Variants in ARAP1 observed in about 807,000 individuals in gnomAD.
ARAP1 encodes the protein arf-GAP with Rho-GAP domain, ANK repeat and PH domain-containing protein 1.
A neutral mutation model predicts 172.2 loss-of-function variants in ARAP1; 76 were observed. The ratio of observed to expected loss-of-function variants is 0.44; its 90% CI spans 0.37 to 0.53. The LOEUF (loss-of-function observed/expected upper bound fraction) is 0.53, where lower values mean the gene tolerates loss of function less well. ARAP1 is among the 20% of genes least tolerant of loss of function. The probability of loss-of-function intolerance (pLI) is 0.00; values close to 1 mark genes in which losing one functional copy is unlikely to be tolerated. For missense variants in ARAP1, 1,686 were observed against 1,977.5 expected, an observed-to-expected ratio of 0.85 and a Z score of 2.80; for synonymous variants, 804 against 803.3, an observed-to-expected ratio of 1.00 and a Z score of -0.01.
chr11:72,727,025 G>A lies in ARAP1; in HGVS notation c.104C>T (p.Ala35Val), dbSNP rs1367410052. 6.2e-7 allele frequency: 1 copy of A among 1,609,688 alleles called. No homozygotes were observed. Among genetic ancestry groups the A allele is most frequent in the Non-Finnish European group, 8.5e-7 (1 of 1,178,330 alleles). ...GTCGCTGAGGCCTTGGCACTCAGTG[G>A]CCCACACCAGGCCATGCTGCTCAAA... is the stretch of plus-strand genomic sequence containing the variant. The part of the protein sequence containing the change: ...GLFEQHGLVW[A>V]TECQGLSDTR... The change falls in exon 3 of 35, where the codon GCC (alanine) becomes GTC (valine). Residue 35 changes from alanine (A) to valine (V), a missense_variant. Ala to Val is a moderately conservative substitution (Grantham distance 64, BLOSUM62 0). This residue lies in a region of ARAP1 where 190 missense variants were observed against 228.6 expected (regional missense o/e 0.83). Coordinates refer to ENST00000393609, the MANE Select transcript of ARAP1 (RefSeq NM_001040118.3).
chr11:72,725,137 C>G lies in ARAP1; in HGVS notation c.509+1483G>C, dbSNP rs909814542. 1.3e-5 allele frequency among the ~76,000 whole-genome samples: 2 copies of G among 152,166 alleles called. No individual in the cohort carries two copies. ...GGCCCGACCCAGGCATCCTGCCTCC[C>G]AAGCAGGAACCCAGGCCTCCACTGC... On this transcript the variant is annotated intron_variant, in intron 3 of 34. Transcript: ENST00000393609. The surrounding 1 kb of genome is among the most constrained non-coding windows in gnomAD (Gnocchi z 4.3).
At chr11:72,724,517 G>A (rs769180749) in intron 3 of ARAP1, among the ~76,000 whole-genome samples, 3 of 152,130 alleles carry the variant, frequency 2.0e-5, no homozygotes, top group African/African-American at 4.8e-5. Flanking sequence ...GACTGAGAGC[G>A]GACAAGGTGG....
chr11:72,731,829 G>A (rs1857877462), intron 2 of ARAP1, among the ~76,000 whole-genome samples: 1 of 152,100 alleles, frequency 6.6e-6, no homozygotes, highest in African/African-American at 2.4e-5. Context: ...AGTTCCTCCA[G>A]GGTTAAGCTA....
chr11:72,744,004 G>T (rs79356119), intron 1 of ARAP1, among the ~76,000 whole-genome samples: 202 of 152,130 alleles, frequency 1.3e-3, no homozygotes, highest in African/African-American at 4.7e-3. Context: ...CAACACCAGG[G>T]CTTCACCACC....
In ARAP1 at chr11:72,726,890, C is replaced by T. The variant is rs1254333761; in HGVS notation, c.239G>A (p.Arg80Gln). The change falls in exon 3 of 35, where the codon CGG becomes CAG. Residue 80 changes from arginine (R) to glutamine (Q), a missense_variant. Arg to Gln is a conservative substitution (Grantham distance 43). Coordinates refer to ENST00000393609, the MANE Select transcript of ARAP1 (RefSeq NM_001040118.3). The surrounding 1 kb of genome is among the most constrained non-coding windows in gnomAD (Gnocchi z 6.5). ...GATGTGGCGCTTCATGGGCACAGGC[C>T]GTGGGGTGGGGCGGGGTGCAGGGGC... Reference protein sequence around the residue: ...SPAPAPRPTPRPVPMKRHIFR... With the variant: ...SPAPAPRPTPQPVPMKRHIFR... 10 of 1,440,286 alleles carry T rather than the reference C, an allele frequency of 6.9e-6. No individual in the cohort carries two copies. The highest frequency in any genetic ancestry group is 4.7e-5 in the South Asian group (4 of 84,640). The allele number at this position is 1,440,286 out of a possible 1,614,324, so 89.2% of individuals were successfully genotyped here.
chr11:72,686,029 G>A lies in ARAP1; in HGVS notation c.4335+13C>T. ...CCCCAGCCCCCTGCCCAAAGGCATGGAGAGCCACTCACAGACAGAGGGTCC... is the reference window on the plus strand; with the variant it reads ...CCCCAGCCCCCTGCCCAAAGGCATGAAGAGCCACTCACAGACAGAGGGTCC... On this transcript the variant is annotated intron_variant, in intron 34 of 34. Transcript: ENST00000393609. The A allele has an allele frequency of 6.2e-7, 1 of 1,613,994 alleles. No homozygotes were observed. Among genetic ancestry groups the A allele is most frequent in the Non-Finnish European group, 8.5e-7 (1 of 1,180,008 alleles).
intron 33 of ARAP1, 115 bp downstream of exon 33, chr11:72,687,324 T>A (rs1332271885): frequency 3.0e-6 from 4 of 1,345,244 alleles, no homozygotes; most frequent in Non-Finnish European, 4.2e-6. Flanking sequence ...TAAAAGCAAC[T>A]CAAAATCTCC....
chr11:72,722,469 G>T, intron 3 of ARAP1: 4 of 581,828 alleles, frequency 6.9e-6, no homozygotes, highest in Non-Finnish European at 8.7e-6. Context: ...GCCCTCACAG[G>T]GTGGATGCCC....
rs1250442322 is a variant in ARAP1, at chr11:72,712,794, A to C, written c.748-226T>G. 9.1e-6 allele frequency: 6 copies of C among 657,372 alleles called. No individual in the cohort carries two copies. In the East Asian group the frequency reaches 1.4e-4, roughly 15 times the overall value. The allele number at this position is 657,372 out of a possible 1,614,324, so 40.7% of individuals were successfully genotyped here. A position where few individuals can be genotyped will look rare whatever the true frequency, so the allele number is the denominator to read the frequency against. ...GAAACCGACCTAGGACACAGACAAAAACAGAAAGATAAAGGGACAGAGAAA... is the reference window on the plus strand; with the variant it reads ...GAAACCGACCTAGGACACAGACAAACACAGAAAGATAAAGGGACAGAGAAA... On this transcript the variant is annotated intron_variant, in intron 5 of 34. Coordinates refer to ENST00000393609, the MANE Select transcript of ARAP1 (RefSeq NM_001040118.3).
Position 72,696,564 on chromosome 11 carries a change from A to G in ARAP1, c.3257T>C (p.Ile1086Thr), listed in dbSNP as rs1300050472. 6.3e-7 allele frequency: 1 copy of G among 1,584,290 alleles called. No individual in the cohort carries two copies. The highest frequency in any genetic ancestry group is 8.6e-7 in the Non-Finnish European group (1 of 1,161,972). Residue 1086 changes from isoleucine (I) to threonine (T), a missense_variant, in exon 23 of 35, where the codon ATC becomes ACC. By Grantham distance (89) the Ile-to-Thr change is moderately conservative. Coordinates refer to ENST00000393609, the MANE Select transcript of ARAP1 (RefSeq NM_001040118.3). ...PVNRATVKALISHLYCVQCFS... is the reference protein window; with the variant it reads ...PVNRATVKALTSHLYCVQCFS... ...CGTCCCTCACCAGTACAGGTGGCTG[A>G]TAAGGGCCTTCACTGTGGCCCGGTT...
In ARAP1 at chr11:72,695,304, A is replaced by T. The variant is rs1856134669; in HGVS notation, c.3576+83T>A. On this transcript the variant is annotated intron_variant, in intron 26 of 34. Coordinates refer to ENST00000393609, the MANE Select transcript of ARAP1 (RefSeq NM_001040118.3). This position sits in a 1 kb window ranked among gnomAD's most constrained non-coding sequence, Gnocchi z 4.4. ...AAACTGGTCCTCTCCTCGGGGTAGA[A>T]GCACTGCTCCCCTGGCCATCTGAGC... is the stretch of plus-strand genomic sequence containing the variant. The T allele has an allele frequency of 2.5e-6, 4 of 1,575,774 alleles. No homozygotes were observed. Among genetic ancestry groups the T allele is most frequent in the Non-Finnish European group, 3.5e-6 (4 of 1,147,974 alleles).
intron 32 of ARAP1, 63 bp downstream of exon 32, chr11:72,687,625 A>G (rs911019235): frequency 6.2e-7 from 1 of 1,613,228 alleles, no homozygotes; most frequent in South Asian, 1.1e-5. Flanking sequence ...GAGGGACACA[A>G]TGAAGGGGGA....
At chr11:72,692,981 A>ACGG in intron 29 of ARAP1, 196 bp from the exon 30 acceptor site, 1 of 700,340 alleles carries the variant, frequency 1.4e-6, no homozygotes. Flanking sequence ...GAGGCATATG[A>ACGG]CATACGATAT....
intron 30 of ARAP1, chr11:72,689,473 G>A (rs1855838933): frequency 3.9e-5 from 6 of 152,362 alleles, no homozygotes; most frequent in Admixed American, 3.9e-4. Context: ...CAAAGACTGA[G>A]CCACCTCCCC....
intron 11 of ARAP1, among the ~76,000 whole-genome samples, chr11:72,708,893 C>G (rs1012194123): frequency 1.3e-5 from 2 of 152,062 alleles, no homozygotes; most frequent in Non-Finnish European, 2.9e-5. Flanking sequence ...AAAAATTAGC[C>G]GGGCGTGGTA....
At chr11:72,694,814 G>C (rs777945913) in intron 27 of ARAP1, among the ~76,000 whole-genome samples, 166 bp downstream of exon 27, 9 of 152,036 alleles carry the variant, frequency 5.9e-5, no homozygotes, top group Non-Finnish European at 1.3e-4. Flanking sequence ...CTCAATCCCT[G>C]CCAGCACCCT....
At chr11:72,703,143 C>G in intron 14 of ARAP1, 64 bp from the exon 15 acceptor site, 1 of 1,442,838 alleles carries the variant, frequency 6.9e-7, no homozygotes, top group East Asian at 2.4e-5. Flanking sequence ...AAAGGGGCTA[C>G]GGGGGAGGAG....
intron 16 of ARAP1, among the ~76,000 whole-genome samples, chr11:72,700,922 C>G (rs1042653091): frequency 6.6e-5 from 10 of 152,168 alleles, no homozygotes; most frequent in Non-Finnish European, 1.0e-4. Context: ...TGCTTGAACC[C>G]GGGAGGCAGA....
chr11:72,702,703 C>T (rs1190351580), intron 15 of ARAP1, among the ~76,000 whole-genome samples: 2 of 152,242 alleles, frequency 1.3e-5, no homozygotes, highest in Non-Finnish European at 2.9e-5. Flanking sequence ...AAGTCATCAA[C>T]AGTCACAGAG....
Sources: gnomAD v4.1 joint callset for allele counts (sites outside exome capture counted in the v4.1 genomes callset) on GRCh38, gnomAD v4.1.1 for gene constraint, gnomAD v4.1.1 regional missense constraint, Gnocchi (gnomAD v3.1) non-coding constraint, MANE v1.5 for transcripts, NCBI Gene and HGNC (gene_info 2026-07-23, HGNC 2026-07-21) for gene names.